The following LRRTM4 variants were observed in gnomAD, a reference collection of about 807,000 sequenced individuals.
LRRTM4 encodes the protein leucine rich repeat transmembrane neuronal 4.
In LRRTM4, 25 loss-of-function variants were observed where a neutral mutation model predicts 47.6. That is an observed-to-expected ratio of 0.53 (90% confidence interval 0.38 to 0.73). LRRTM4 has a LOEUF of 0.73. Ranked by LOEUF, LRRTM4 falls within the 30% of genes least tolerant of loss-of-function variation. The probability of loss-of-function intolerance (pLI) is 0.00; values close to 1 mark genes in which losing one functional copy is unlikely to be tolerated. For missense variants in LRRTM4, 638 were observed against 713.4 expected (o/e 0.89, Z 1.20); for synonymous variants, 311 against 269.5 (o/e 1.15, Z -1.51).
At chr2:77,277,994 CTT>C (rs1676408309) in intron 3 of LRRTM4, among the ~76,000 whole-genome samples, 1 of 151,950 alleles carries the variant, frequency 6.6e-6, no homozygotes, top group Non-Finnish European at 1.5e-5. Context: ...CTTTCTCTCT[CTT>C]TCTTTCCCCC....
intron 3 of LRRTM4, among the ~76,000 whole-genome samples, chr2:77,424,699 C>G (rs754344430): frequency 4.6e-5 from 7 of 152,146 alleles, no homozygotes; most frequent in Non-Finnish European, 8.8e-5. Flanking sequence ...TTCATATAAA[C>G]TTCTTGAGGT....
intron 3 of LRRTM4, among the ~76,000 whole-genome samples, chr2:77,430,932 C>T (rs943825002): frequency 6.7e-6 from 1 of 148,346 alleles, no homozygotes; most frequent in Admixed American, 6.6e-5. Context: ...AGAGGAAAGG[C>T]CAATTTGCTC....
intron 3 of LRRTM4, among the ~76,000 whole-genome samples, chr2:76,962,210 T>C (rs1472814068): frequency 6.6e-6 from 1 of 151,200 alleles, no homozygotes; most frequent in Non-Finnish European, 1.5e-5. Context: ...CTTAAGTAAT[T>C]TGAAAGATAA....
chr2:77,470,214 A>G (rs1292644260), intron 3 of LRRTM4, among the ~76,000 whole-genome samples: 7 of 152,174 alleles, frequency 4.6e-5, no homozygotes. Context: ...ATCATATGAC[A>G]AGGTAGAATA....
At chr2:76,856,639 G>A (rs1037420201) in intron 3 of LRRTM4, among the ~76,000 whole-genome samples, 1 of 151,964 alleles carries the variant, frequency 6.6e-6, no homozygotes, top group East Asian at 1.9e-4. Flanking sequence ...TTTGTTAATG[G>A]TTAAAATAAA....
chr2:76,967,594 A>G (rs72923827), intron 3 of LRRTM4, among the ~76,000 whole-genome samples: 4,143 of 151,650 alleles, frequency 0.027, 179 homozygotes, highest in African/African-American at 0.086. Flanking sequence ...ATTACTCTAT[A>G]TGCCACCACA....
intron 3 of LRRTM4, among the ~76,000 whole-genome samples, chr2:76,933,047 A>T (rs1307631306): frequency 1.3e-5 from 2 of 152,124 alleles, no homozygotes; most frequent in Non-Finnish European, 2.9e-5. Flanking sequence ...TCAATTCCTC[A>T]CATCCTATTT....
intron 3 of LRRTM4, among the ~76,000 whole-genome samples, chr2:76,847,309 T>C (rs890155990): frequency 1.3e-5 from 2 of 152,174 alleles, no homozygotes; most frequent in Non-Finnish European, 1.5e-5. Context: ...TAATTTCCGA[T>C]AGAAAAGATG....
intron 3 of LRRTM4, among the ~76,000 whole-genome samples, chr2:77,362,161 GA>G (rs1553434434): frequency 3.3e-5 from 5 of 151,514 alleles, no homozygotes; most frequent in African/African-American, 9.7e-5. Context: ...AAGAAAGAAA[GA>G]AAGAAAGAAA....
chr2:76,779,237 G>T (rs1674209308), intron 3 of LRRTM4, among the ~76,000 whole-genome samples: 1 of 152,172 alleles, frequency 6.6e-6, no homozygotes, highest in South Asian at 2.1e-4. Flanking sequence ...TGTATATTGT[G>T]TTGATTTGGG....
intron 3 of LRRTM4, among the ~76,000 whole-genome samples, chr2:77,338,901 C>T (rs1268961650): frequency 6.6e-6 from 1 of 151,912 alleles, no homozygotes; most frequent in East Asian, 1.9e-4. Context: ...CATATTATAC[C>T]ATGGAATGTC....
intron 3 of LRRTM4, among the ~76,000 whole-genome samples, chr2:77,019,133 T>A (rs1413514201): frequency 6.6e-6 from 1 of 151,762 alleles, no homozygotes; most frequent in Admixed American, 6.6e-5. Flanking sequence ...GAAACTCAAT[T>A]TTTAGACTTG....
intron 3 of LRRTM4, among the ~76,000 whole-genome samples, chr2:77,444,498 T>C (rs1210175800): frequency 1.3e-5 from 2 of 152,062 alleles, no homozygotes; most frequent in African/African-American, 4.8e-5. Context: ...ATTTCCAGGA[T>C]GGGAAGAGAA....
At chr2:77,419,277 A>G (rs1406849745) in intron 3 of LRRTM4, among the ~76,000 whole-genome samples, 1 of 152,152 alleles carries the variant, frequency 6.6e-6, no homozygotes, top group Non-Finnish European at 1.5e-5. Flanking sequence ...TGGCTAAGAA[A>G]CATTAATGCT....
chr2:77,087,226 G>A (rs1185886259), intron 3 of LRRTM4, among the ~76,000 whole-genome samples: 5 of 152,102 alleles, frequency 3.3e-5, no homozygotes, highest in African/African-American at 1.2e-4. Flanking sequence ...CAATCAAGCT[G>A]AATTCTGAAA....
At chr2:76,963,165 A>G (rs1675916734) in intron 3 of LRRTM4, among the ~76,000 whole-genome samples, 1 of 151,038 alleles carries the variant, frequency 6.6e-6, no homozygotes, top group Admixed American at 6.6e-5. Context: ...AAAATGTATT[A>G]TAAAAATTTA....
At chr2:76,854,556 C>G (rs1672091152) in intron 3 of LRRTM4, among the ~76,000 whole-genome samples, 1 of 152,044 alleles carries the variant, frequency 6.6e-6, no homozygotes, top group South Asian at 2.1e-4. Context: ...AACAAAAATC[C>G]TGATTTGTAG....
intron 3 of LRRTM4, among the ~76,000 whole-genome samples, chr2:77,308,371 A>G (rs981060491): frequency 6.6e-6 from 1 of 152,032 alleles, no homozygotes; most frequent in Non-Finnish European, 1.5e-5. Context: ...TCTTGTCATG[A>G]TTATTACATT....
At chr2:77,109,681 C>T (rs34722535) in intron 3 of LRRTM4, among the ~76,000 whole-genome samples, 30,842 of 151,552 alleles carry the variant, frequency 0.2, 3,648 homozygotes, top group Non-Finnish European at 0.25. Flanking sequence ...AAATACAAGA[C>T]AGTAGGACCA....
Sources: gnomAD v4.1 joint callset for allele counts (sites outside exome capture counted in the v4.1 genomes callset) on GRCh38, gnomAD v4.1.1 for gene constraint, MANE v1.5 for transcripts, NCBI Gene and HGNC (gene_info 2026-07-23, HGNC 2026-07-21) for gene names.